ARMH4: variants seen among roughly 807,000 people sequenced by gnomAD.
ARMH4 encodes the protein armadillo-like helical domain-containing protein 4.
Under a neutral mutation model 61.9 loss-of-function variants are expected in ARMH4, and 49 were observed. The ratio of observed to expected loss-of-function variants is 0.79; its 90% CI spans 0.63 to 1.00. ARMH4 has a LOEUF of 1.00. Ranked by LOEUF, ARMH4 falls within the 50% of genes least tolerant of loss-of-function variation. The probability of loss-of-function intolerance (pLI) is 0.00; values close to 1 mark genes in which losing one functional copy is unlikely to be tolerated. For synonymous variants in ARMH4, 368 were observed against 341.5 expected, an observed-to-expected ratio of 1.08 and a Z score of -0.85; for missense variants, 934 against 930.0, an observed-to-expected ratio of 1.00 and a Z score of -0.06.
chr14:58,085,648 ATAATT>A (rs1885355023), intron 5 of ARMH4, among the ~76,000 whole-genome samples: 1 of 152,196 alleles, frequency 6.6e-6, no homozygotes, highest in Non-Finnish European at 1.5e-5. Flanking sequence ...CTAATTCAAT[ATAATT>A]TAATTATGAA....
intron 5 of ARMH4, among the ~76,000 whole-genome samples, chr14:58,090,015 T>G (rs1885506303): frequency 5.3e-5 from 8 of 152,212 alleles, no homozygotes; most frequent in Admixed American, 5.2e-4. Flanking sequence ...ACATGAGTGC[T>G]CCCCTCCATT....
At chr14:58,113,787 A>C (rs1358393699) in intron 4 of ARMH4, among the ~76,000 whole-genome samples, 1 of 151,714 alleles carries the variant, frequency 6.6e-6, no homozygotes, top group Non-Finnish European at 1.5e-5. Flanking sequence ...TTAACCTGTC[A>C]TTGAGGCTTT....
chr14:58,092,987 G>C (rs993441090), intron 5 of ARMH4, among the ~76,000 whole-genome samples: 1 of 151,976 alleles, frequency 6.6e-6, no homozygotes, highest in Non-Finnish European at 1.5e-5. Context: ...GTGCTGGGAC[G>C]GACTTCGTGG....
chr14:58,117,928 A>G (rs1450147155), intron 4 of ARMH4, among the ~76,000 whole-genome samples: 2 of 45,838 alleles, frequency 4.4e-5, no homozygotes, highest in East Asian at 8.1e-4. Context: ...CCAGCTAATT[A>G]AAAAAAAAAA....
intron 5 of ARMH4, among the ~76,000 whole-genome samples, chr14:58,095,659 T>C (rs940052499): frequency 6.6e-6 from 1 of 152,198 alleles, no homozygotes; most frequent in Non-Finnish European, 1.5e-5. Flanking sequence ...CCTTACTATC[T>C]TCTCTCCTTC....
intron 1 of ARMH4, among the ~76,000 whole-genome samples, chr14:58,149,166 T>C (rs1407707728): frequency 1.3e-5 from 2 of 152,190 alleles, no homozygotes; most frequent in Non-Finnish European, 2.9e-5. Flanking sequence ...CCAATACTAT[T>C]GTATTTACTT....
At chr14:58,017,791 A>T (rs1013475831) in intron 5 of ARMH4, among the ~76,000 whole-genome samples, 12 of 152,300 alleles carry the variant, frequency 7.9e-5, no homozygotes, top group African/African-American at 2.6e-4. Context: ...TAAAATTTGT[A>T]TGGAACCACA....
intron 4 of ARMH4, among the ~76,000 whole-genome samples, chr14:58,112,149 A>C (rs1886373521): frequency 1.3e-5 from 2 of 152,222 alleles, no homozygotes. Context: ...GACACAATTC[A>C]GTCCATAACA....
chr14:58,017,665 A>G (rs34588523), intron 5 of ARMH4, among the ~76,000 whole-genome samples: 1,937 of 152,340 alleles, frequency 0.013, 36 homozygotes, highest in East Asian at 0.08. Flanking sequence ...CCCCATGTTC[A>G]CAGACTAGAT....
At chr14:58,050,573 G>C (rs1311243548) in intron 5 of ARMH4, among the ~76,000 whole-genome samples, 1 of 152,100 alleles carries the variant, frequency 6.6e-6, no homozygotes, top group Admixed American at 6.5e-5. Context: ...CTGAAGGTAA[G>C]GAAGAGCTGA....
chr14:58,134,399 T>C (rs191861498), intron 2 of ARMH4, among the ~76,000 whole-genome samples: 2 of 152,350 alleles, frequency 1.3e-5, no homozygotes, highest in Admixed American at 6.5e-5. Flanking sequence ...CTGTTTATAA[T>C]AATACTCTGC....
At chr14:58,045,571 C>G (rs1454016714) in intron 5 of ARMH4, among the ~76,000 whole-genome samples, 2 of 151,520 alleles carry the variant, frequency 1.3e-5, no homozygotes, top group African/African-American at 4.9e-5. Context: ...TGTAACAAAC[C>G]TGCACGTTCT....
At chr14:58,020,095 T>C (rs1882764925) in intron 5 of ARMH4, among the ~76,000 whole-genome samples, 1 of 152,224 alleles carries the variant, frequency 6.6e-6, no homozygotes, top group Non-Finnish European at 1.5e-5. Context: ...TAGATACTAT[T>C]ATCCACTATT....
At chr14:58,005,993 G>C (rs936373619) in intron 6 of ARMH4, among the ~76,000 whole-genome samples, 2 of 152,170 alleles carry the variant, frequency 1.3e-5, no homozygotes, top group African/African-American at 4.8e-5. Flanking sequence ...ACCTCCAAAA[G>C]ATCCTGGAAG....
At chr14:58,055,425 G>C (rs1884315348) in intron 5 of ARMH4, among the ~76,000 whole-genome samples, 1 of 152,088 alleles carries the variant, frequency 6.6e-6, no homozygotes, top group Non-Finnish European at 1.5e-5. Context: ...GAGAAGATGA[G>C]GTAGAATAAA....
At chr14:58,080,095 T>C (rs954590564) in intron 5 of ARMH4, among the ~76,000 whole-genome samples, 26 of 150,300 alleles carry the variant, frequency 1.7e-4, no homozygotes, top group African/African-American at 5.9e-4. Context: ...CCTTTGTCAC[T>C]ATCATTAAGA....
chr14:58,035,082 C>A (rs1449947827), intron 5 of ARMH4, among the ~76,000 whole-genome samples: 1 of 146,978 alleles, frequency 6.8e-6, no homozygotes, highest in Non-Finnish European at 1.5e-5. Flanking sequence ...ACTCTCCACC[C>A]CAAATCAACA....
intron 5 of ARMH4, among the ~76,000 whole-genome samples, chr14:58,022,501 G>C (rs1287740473): frequency 6.6e-6 from 1 of 152,096 alleles, no homozygotes; most frequent in East Asian, 1.9e-4. Context: ...CCTCATTTCT[G>C]ACATGTGTTC....
intron 5 of ARMH4, among the ~76,000 whole-genome samples, chr14:58,020,077 C>A (rs79781758): frequency 0.032 from 4,886 of 152,236 alleles, 288 homozygotes; most frequent in African/African-American, 0.11. Context: ...CACAAAAATT[C>A]TGCAAGGTAG....
Sources: allele counts gnomAD v4.1 joint callset (sites outside exome capture counted in the v4.1 genomes callset), GRCh38; gene constraint gnomAD v4.1.1; transcripts MANE v1.5; gene names NCBI Gene and HGNC (gene_info 2026-07-23, HGNC 2026-07-21).